Variants in PCSK7 observed in about 807,000 individuals in gnomAD.
The protein encoded by PCSK7 is proprotein convertase subtilisin/kexin type 7.
A neutral mutation model predicts 73.3 loss-of-function variants in PCSK7; 38 were observed. The ratio of observed to expected loss-of-function variants is 0.52; its 90% CI spans 0.40 to 0.68. PCSK7 has a LOEUF of 0.68. PCSK7 is among the 30% of genes least tolerant of loss of function. PCSK7 has a pLI of 0.00. For missense variants in PCSK7, 692 were observed against 991.5 expected (o/e 0.70, Z 4.06); for synonymous variants, 296 against 383.8 (o/e 0.77, Z 2.68).
chr11:117,210,944 A>AG (rs2031703786), intron 12 of PCSK7: 1 of 152,224 alleles, frequency 6.6e-6, no homozygotes, highest in East Asian at 1.9e-4. Context: ...TCAAAAAAAA[A>AG]AATTATTCCA....
At chr11:117,211,460 C>T (rs1356312428) in intron 12 of PCSK7, 1 of 152,234 alleles carries the variant, frequency 6.6e-6, no homozygotes, top group African/African-American at 2.4e-5. Context: ...GCCAATGTCC[C>T]ATTTCTTTGA....
chr11:117,217,055 A>C (rs2032011269), intron 12 of PCSK7: 1 of 152,060 alleles, frequency 6.6e-6, no homozygotes. Context: ...AAACTCCCTA[A>C]ATCTTTCCCT....
chr11:117,221,983 T>C (rs1274106530), intron 9 of PCSK7: 2 of 152,148 alleles, frequency 1.3e-5, no homozygotes. Context: ...CTTGGAACAT[T>C]GTGTTGACCA....
At position 117,224,132 on chromosome 11, in the gene PCSK7, T is replaced by C. The variant is rs2032316423; in HGVS notation, c.1000A>G (p.Asn334Asp). Residue 334 changes from asparagine (N) to aspartate (D), a missense_variant, in exon 8 of 17, where the codon AAC becomes GAC. Physicochemically the swap from Asn to Asp is conservative, Grantham distance 23. This residue lies in a region of PCSK7 where 574 missense variants were observed against 689.8 expected (regional missense o/e 0.83). Transcript: ENST00000320934. ...TAGCCATCGTAGTTGCAGTTGTCGTTGTGTTGGCCTCCGTTGCCACTGGCT... is the reference window on the plus strand; with the variant it reads ...TAGCCATCGTAGTTGCAGTTGTCGTCGTGTTGGCCTCCGTTGCCACTGGCT... ...VVASGNGGQH[N>D]DNCNYDGYAN... is the part of the protein sequence containing the mutation. The C allele has an allele frequency of 1.2e-6, 2 of 1,614,172 alleles. No individual in the cohort carries two copies. Among genetic ancestry groups the C allele is most frequent in the Non-Finnish European group, 1.7e-6 (2 of 1,180,024 alleles).
At chr11:117,223,548 G>A (rs902340489) in intron 8 of PCSK7, 3 of 546,754 alleles carry the variant, frequency 5.5e-6, no homozygotes, top group Non-Finnish European at 9.8e-6. Flanking sequence ...GGTACAACTG[G>A]CAGCCTTCTA....
Position 117,204,652 on chromosome 11 carries a change from T to C in PCSK7, c.*1345A>G. On this transcript the variant is annotated 3_prime_UTR_variant, in exon 17 of 17. Coordinates refer to ENST00000320934, the MANE Select transcript of PCSK7 (RefSeq NM_004716.4). ...GGGGAGAAGCGGGCTGGGGGTAGCC[T>C]GGATGTGGGCCAAGTCCACTGTCCT... 2.0e-6 allele frequency: 1 copy of C among 495,154 alleles called. No individual in the cohort carries two copies. Among genetic ancestry groups the C allele is most frequent in the Admixed American group, 3.1e-5 (1 of 32,656 alleles). 30.7% of individuals were successfully genotyped at this position (495,154 alleles called of 1,614,324 possible).
At chr11:117,229,274 G>A in intron 3 of PCSK7, 103 bp downstream of exon 3, 1 of 892,528 alleles carries the variant, frequency 1.1e-6, no homozygotes, top group Admixed American at 2.1e-5. Context: ...GGTCCCTCAG[G>A]CAAAGGATGG....
At position 117,204,711 on chromosome 11, in the gene PCSK7, G is replaced by C; in HGVS notation, c.*1286C>G. 2 of 326,910 alleles carry C rather than the reference G, an allele frequency of 6.1e-6. No homozygotes were observed. Among genetic ancestry groups the C allele is most frequent in the South Asian group, 3.5e-5 (1 of 28,636 alleles). 20.3% of individuals were successfully genotyped at this position (326,910 alleles called of 1,614,324 possible). ...GCAAAAGCCCATTGAAGAAGAACCA[G>C]CCCAGCCTGCCCCCTATCTTGTCCT... On this transcript the variant is annotated 3_prime_UTR_variant, in exon 17 of 17. Transcript: ENST00000320934.
intron 8 of PCSK7, 140 bp from the exon 9 acceptor site, chr11:117,223,448 T>A (rs1391173794): frequency 1.5e-6 from 1 of 645,954 alleles, no homozygotes; most frequent in Non-Finnish European, 2.8e-6. Context: ...CCCACGTCCC[T>A]CAGAGCAGTC....
At chr11:117,215,879 G>C (rs2031965281) in intron 12 of PCSK7, 1 of 151,796 alleles carries the variant, frequency 6.6e-6, no homozygotes, top group Non-Finnish European at 1.5e-5. Context: ...TTTGAGACAA[G>C]GTCTCGCTCT....
intron 10 of PCSK7, 145 bp downstream of exon 10, chr11:117,219,446 C>A: frequency 1.2e-6 from 1 of 803,668 alleles, no homozygotes; most frequent in South Asian, 1.8e-5. Flanking sequence ...GTCCCCACAC[C>A]TGTTCTTTAC....
At chr11:117,231,341 T>C (rs959279752) in intron 1 of PCSK7, 1 of 152,220 alleles carries the variant, frequency 6.6e-6, no homozygotes, top group Non-Finnish European at 1.5e-5. Context: ...TCGTTTTCTC[T>C]TAGGTTTCCA....
At chr11:117,225,823 G>A in intron 6 of PCSK7, 108 bp downstream of exon 6, 2 of 719,080 alleles carry the variant, frequency 2.8e-6, no homozygotes, top group Non-Finnish European at 5.1e-6. Flanking sequence ...TGAACCCAAT[G>A]AGGAGACCCC....
rs1331643444 is a variant in PCSK7, at chr11:117,229,639, G to A, written c.206C>T (p.Thr69Ile). 6.2e-7 allele frequency: 1 copy of A among 1,614,026 alleles called. No homozygotes were observed. Among genetic ancestry groups the A allele is most frequent in the Non-Finnish European group, 8.5e-7 (1 of 1,179,880 alleles). The change falls in exon 3 of 17, where the codon ACT becomes ATT. Residue 69 changes from threonine (T) to isoleucine (I), a missense_variant. Thr to Ile is a moderately conservative substitution (Grantham distance 89). This residue lies in a region of PCSK7 where 574 missense variants were observed against 689.8 expected (regional missense o/e 0.83). Coordinates refer to ENST00000320934, the MANE Select transcript of PCSK7 (RefSeq NM_004716.4). ...ESLEGDGEEE[T>I]LEQQADALAQ... ...CAAGGCATCCGCCTGCTGCTCCAGA[G>A]TCTCTTCCTCCCCGTCACCTTCCAG...
chr11:117,224,024 G>A, intron 8 of PCSK7, 54 bp downstream of exon 8: 3 of 1,571,224 alleles, frequency 1.9e-6, no homozygotes, highest in Non-Finnish European at 2.6e-6. Context: ...GACGTGTGAT[G>A]CCCTAACCCT....
At position 117,205,491 on chromosome 11, in the gene PCSK7, G is replaced by T; in HGVS notation, c.*506C>A. 1 of 234,318 alleles carries T rather than the reference G, an allele frequency of 4.3e-6. No homozygotes were observed. Among genetic ancestry groups the T allele is most frequent in the East Asian group, 6.0e-5 (1 of 16,606 alleles). 14.5% of individuals were successfully genotyped at this position (234,318 alleles called of 1,614,324 possible). A position where few individuals can be genotyped will look rare whatever the true frequency, so the allele number is the denominator to read the frequency against. On this transcript the variant is annotated 3_prime_UTR_variant, in exon 17 of 17. Transcript: ENST00000320934. ...TGAAGGAGCCAGGGGTTCATTCATG[G>T]TTGGTTTCTGATCAGGCATCTTGGG...
rs1202241730 is a variant in PCSK7 at position 117,206,112 on chromosome 11, A to G, written c.2243T>C (p.Leu748Pro). 3 of 1,594,382 alleles carry G rather than the reference A, an allele frequency of 1.9e-6. No homozygotes were observed. In the Admixed American group the frequency reaches 5.1e-5, roughly 27 times the overall value. ...CCCTTGCTCCAGCAGGTCTGGGGCA[A>G]GGAGGTCAGAGGTGGTGGGAGGGCC... ...SRGPPTTSDLLAPDLLEQGDW... is the reference protein window; with the variant it reads ...SRGPPTTSDLPAPDLLEQGDW... The change falls in exon 17 of 17, where the codon CTT (leucine) becomes CCT (proline). Residue 748 changes from leucine to proline, a missense_variant. Leu to Pro is a moderately conservative substitution (Grantham distance 98, BLOSUM62 -3). Coordinates refer to ENST00000320934, the MANE Select transcript of PCSK7 (RefSeq NM_004716.4).
chr11:117,217,583 C>T (rs1490878933), intron 12 of PCSK7: 1 of 152,230 alleles, frequency 6.6e-6, no homozygotes, highest in African/African-American at 2.4e-5. Context: ...CTGAGGGAAG[C>T]CACCCCTCAT....
intron 4 of PCSK7, 137 bp from the exon 5 acceptor site, chr11:117,227,459 T>C: frequency 1.4e-6 from 1 of 729,924 alleles, no homozygotes; most frequent in South Asian, 1.5e-5. Flanking sequence ...GTTTCTGTTT[T>C]TGAGATGGAG....
Sources: allele counts gnomAD v4.1 joint callset, GRCh38; gene constraint gnomAD v4.1.1; regional missense constraint gnomAD v4.1.1; transcripts MANE v1.5; gene names NCBI Gene and HGNC (gene_info 2026-07-23, HGNC 2026-07-21).